OMA1: variants seen among roughly 807,000 people sequenced by gnomAD.
OMA1 encodes the protein OMA1 zinc metallopeptidase.
In OMA1, 38 loss-of-function variants were observed where a neutral mutation model predicts 30.9. That is an observed-to-expected ratio of 1.23 (90% CI 0.95 to 1.61). OMA1 has a LOEUF of 1.61. Among genes scored for constraint, OMA1 ranks in the 40% most tolerant of loss-of-function variants. The probability of loss-of-function intolerance (pLI) is 0.00; values close to 1 mark genes in which losing one functional copy is unlikely to be tolerated. For missense variants in OMA1, 461 were observed against 349.2 expected (o/e 1.32, Z -2.55); for synonymous variants, 173 against 121.9 (o/e 1.42, Z -2.76).
At chr1:58,489,843 G>A (rs1645647122) in intron 8 of OMA1, among the ~76,000 whole-genome samples, 2 of 152,166 alleles carry the variant, frequency 1.3e-5, no homozygotes, top group Non-Finnish European at 2.9e-5. Flanking sequence ...GTCTGGAGTG[G>A]TCCTCCAGCA....
chr1:58,496,946 C>T (rs903544347), intron 8 of OMA1, among the ~76,000 whole-genome samples: 2 of 152,108 alleles, frequency 1.3e-5, no homozygotes, highest in Admixed American at 6.6e-5. Flanking sequence ...AGGAAGAAAA[C>T]CACCTTTGCA....
At chr1:58,522,425 G>C (rs1379025545) in intron 7 of OMA1, among the ~76,000 whole-genome samples, 1 of 152,094 alleles carries the variant, frequency 6.6e-6, no homozygotes, top group Admixed American at 6.5e-5. Context: ...TCTTTCATTT[G>C]ATAAAAAAGT....
In OMA1 at chr1:58,539,051, G is replaced by C. The variant is rs1434599985; in HGVS notation, c.244C>G (p.Leu82Val). The change falls in exon 2 of 9, where the codon CTC (leucine) becomes GTC (valine). Residue 82 changes from leucine to valine, a missense_variant. Leu to Val is a conservative substitution (Grantham distance 32). Coordinates refer to ENST00000371226, the MANE Select transcript of OMA1 (RefSeq NM_145243.5). ...STFNNKRTGG[L>V]SSTKSKEIWR... The stretch of plus-strand genomic sequence containing the variant: ...ATTTCCTTACTTTTGGTACTTGAGA[G>C]GCCTCCTGTTCTTTTGTTGTTAAAA... The C allele has an allele frequency of 2.3e-6, 2 of 872,864 alleles. No homozygotes were observed. The highest frequency in any genetic ancestry group is 4.0e-6 in the Non-Finnish European group (2 of 501,634). 54.1% of individuals were successfully genotyped at this position (872,864 alleles called of 1,614,324 possible). A position where few individuals can be genotyped will look rare whatever the true frequency, so the allele number is the denominator to read the frequency against.
chr1:58,509,009 C>T (rs1459610854), intron 7 of OMA1, among the ~76,000 whole-genome samples: 1 of 152,118 alleles, frequency 6.6e-6, no homozygotes, highest in African/African-American at 2.4e-5. Context: ...AGAACAAAGA[C>T]AGCACTTTGG....
intron 7 of OMA1, among the ~76,000 whole-genome samples, chr1:58,509,834 T>C (rs1646046941): frequency 6.6e-6 from 1 of 151,694 alleles, no homozygotes. Context: ...ACTGATACCA[T>C]ACAAAGGATC....
chr1:58,506,112 GTAGA>G lies in OMA1; in HGVS notation c.1309_1312del (p.Ser437HisfsTer56). Reference sequence around the variant, plus strand: ...AACTCGATTGCCATGAGAAGGGTGTGTAGATAACCATTCTGGCATCTTGGGTTGG... The same window carrying G: ...AACTCGATTGCCATGAGAAGGGTGTGTAACCATTCTGGCATCTTGGGTTGG... On this transcript the variant is annotated frameshift_variant, in exon 8 of 9. Coordinates refer to ENST00000371226, the MANE Select transcript of OMA1 (RefSeq NM_145243.5). LOFTEE classifies it high-confidence loss of function. 1.1e-6 allele frequency: 1 copy of G among 872,434 alleles called. No individual in the cohort carries two copies. Among genetic ancestry groups the G allele is most frequent in the Non-Finnish European group, 2.0e-6 (1 of 501,254 alleles). The allele number at this position is 872,434 out of a possible 1,614,324, so 54.0% of individuals were successfully genotyped here.
intron 8 of OMA1, among the ~76,000 whole-genome samples, chr1:58,489,105 C>T (rs563122436): frequency 4.6e-5 from 7 of 152,258 alleles, no homozygotes; most frequent in South Asian, 2.1e-4. Context: ...GCAGGACAGT[C>T]GGTGCAGCGC....
chr1:58,500,350 G>A (rs1393593391), intron 8 of OMA1, among the ~76,000 whole-genome samples: 1 of 152,092 alleles, frequency 6.6e-6, no homozygotes, highest in Non-Finnish European at 1.5e-5. Flanking sequence ...GTATGTTTGT[G>A]TACACTGGCC....
intron 7 of OMA1, among the ~76,000 whole-genome samples, chr1:58,514,735 G>A (rs1292783452): frequency 6.6e-6 from 1 of 152,066 alleles, no homozygotes; most frequent in Admixed American, 6.5e-5. Context: ...AAGATGTAAA[G>A]GGACCAAAAC....
At chr1:58,482,177 T>C (rs56054934) in intron 8 of OMA1, among the ~76,000 whole-genome samples, 17,627 of 152,252 alleles carry the variant, frequency 0.12, 1,217 homozygotes, top group African/African-American at 0.18. Context: ...GAGCTGCATG[T>C]GTGTGCACAT....
At chr1:58,533,185 A>T (rs1159440756) in intron 5 of OMA1, among the ~76,000 whole-genome samples, 1 of 152,232 alleles carries the variant, frequency 6.6e-6, no homozygotes, top group African/African-American at 2.4e-5. Flanking sequence ...AGATGAACAG[A>T]CATGTATTCA....
At chr1:58,541,800 T>C (rs1646626169) in intron 1 of OMA1, among the ~76,000 whole-genome samples, 1 of 152,126 alleles carries the variant, frequency 6.6e-6, no homozygotes, top group Admixed American at 6.5e-5. Context: ...TCATGATAAA[T>C]AAAACTCACT....
chr1:58,510,825 TAAC>T (rs370413881), intron 7 of OMA1, among the ~76,000 whole-genome samples: 102 of 152,016 alleles, frequency 6.7e-4, no homozygotes, highest in African/African-American at 2.3e-3. Context: ...TTCTACACAC[TAAC>T]AACAAACTAT....
In OMA1 at chr1:58,536,619, A is replaced by C. The variant is rs552327271; in HGVS notation, c.623T>G (p.Val208Gly). ...TACTTCCAGGTGAGTAAAATAAAAC[A>C]CCACAAAGAGCAATCCAAAACTACT... is the stretch of plus-strand genomic sequence containing the variant. Reference protein sequence around the residue: ...GLSSFGLLFVVFYFTHLEVSP... With the variant: ...GLSSFGLLFVGFYFTHLEVSP... Residue 208 changes from valine (V) to glycine (G), a missense_variant, in exon 3 of 9, where the codon GTG becomes GGG. Physicochemically the swap from Val to Gly is moderately radical, Grantham distance 109. Transcript: ENST00000371226. 7 of 872,846 alleles carry C rather than the reference A, an allele frequency of 8.0e-6. No homozygotes were observed. Among genetic ancestry groups the C allele is most frequent in the Non-Finnish European group, 1.4e-5 (7 of 501,622 alleles). The allele number at this position is 872,846 out of a possible 1,614,324, so 54.1% of individuals were successfully genotyped here.
chr1:58,487,132 G>A (rs189267680), intron 8 of OMA1, among the ~76,000 whole-genome samples: 112 of 152,318 alleles, frequency 7.4e-4, no homozygotes, highest in Admixed American at 2.3e-3. Flanking sequence ...AAATGACTGC[G>A]GTAACTTGGG....
At chr1:58,532,492 T>C (rs191323250) in intron 5 of OMA1, among the ~76,000 whole-genome samples, 1 of 152,314 alleles carries the variant, frequency 6.6e-6, no homozygotes, top group Admixed American at 6.5e-5. Context: ...CTTAGACGTA[T>C]TCTTGTGTAT....
At chr1:58,511,811 A>G (rs1646081693) in intron 7 of OMA1, among the ~76,000 whole-genome samples, 2 of 152,172 alleles carry the variant, frequency 1.3e-5, no homozygotes, top group African/African-American at 4.8e-5. Flanking sequence ...TAAAACTATA[A>G]AACTCCTAGA....
Position 58,515,543 on chromosome 1 carries a change from C to T in OMA1, c.1216-9334G>A, listed in dbSNP as rs539519038. 9.9e-5 allele frequency among the ~76,000 whole-genome samples: 15 copies of T among 152,266 alleles called. No homozygotes were observed. In the South Asian group the frequency reaches 3.1e-3, roughly 32 times the overall value. ...CAGATGAATACACACAAGCCTGTCT[C>T]ATTTTTCTGGGTGATAAAATTAAGT... On this transcript the variant is annotated intron_variant, in intron 7 of 8. Transcript: ENST00000371226.
At chr1:58,545,273 A>C (rs1646682639) in intron 1 of OMA1, among the ~76,000 whole-genome samples, 3 of 152,214 alleles carry the variant, frequency 2.0e-5, no homozygotes, top group Admixed American at 2.0e-4. Context: ...TGACTTGTGT[A>C]AAAATTTTAA....
Sources: allele counts gnomAD v4.1 joint callset (sites outside exome capture counted in the v4.1 genomes callset), GRCh38; gene constraint gnomAD v4.1.1; transcripts MANE v1.5; gene names NCBI Gene and HGNC (gene_info 2026-07-23, HGNC 2026-07-21).